Variants in GRM1 observed in about 807,000 individuals in gnomAD.
The protein encoded by GRM1 is metabotropic glutamate receptor 1.
In GRM1, 33 loss-of-function variants were observed where a neutral mutation model predicts 90.9. The observed-to-expected ratio is 0.36, with a 90% CI of 0.28 to 0.49. GRM1 has a LOEUF of 0.49. GRM1 is among the 20% of genes least tolerant of loss of function. The pLI is 0.99. For missense variants in GRM1, 1,190 were observed against 1,534.3 expected (o/e 0.78, Z 3.75); for synonymous variants, 700 against 613.2 (o/e 1.14, Z -2.09).
At chr6:146,316,211 GC>G (rs1055455874) in intron 3 of GRM1, among the ~76,000 whole-genome samples, 18 of 152,052 alleles carry the variant, frequency 1.2e-4, no homozygotes, top group Non-Finnish European at 2.5e-4. Context: ...TTGGCTCATG[GC>G]CCCCTTCCTT....
intron 3 of GRM1, among the ~76,000 whole-genome samples, chr6:146,329,743 T>C (rs930664697): frequency 6.6e-6 from 1 of 152,206 alleles, no homozygotes; most frequent in African/African-American, 2.4e-5. Flanking sequence ...GCTTCATAGC[T>C]TAGCCTAGCC....
At chr6:146,060,828 T>C (rs543295134) in intron 1 of GRM1, among the ~76,000 whole-genome samples, 1 of 152,320 alleles carries the variant, frequency 6.6e-6, no homozygotes, top group South Asian at 2.1e-4. Flanking sequence ...ATCACTGTGC[T>C]GCTTTCCACA....
chr6:146,076,961 G>A (rs1319409984), intron 1 of GRM1, among the ~76,000 whole-genome samples: 1 of 152,090 alleles, frequency 6.6e-6, no homozygotes, highest in African/African-American at 2.4e-5. Context: ...CCAGGTCCTG[G>A]CTTTTTATCC....
At chr6:146,249,300 G>A (rs561726258) in intron 2 of GRM1, among the ~76,000 whole-genome samples, 5 of 152,262 alleles carry the variant, frequency 3.3e-5, no homozygotes, top group East Asian at 3.9e-4. Flanking sequence ...CTTCACATCA[G>A]CCTCTCCCAT....
chr6:146,274,654 GAATATATATTAGTTATT>G (rs1166375078), intron 2 of GRM1, among the ~76,000 whole-genome samples: 1 of 152,154 alleles, frequency 6.6e-6, no homozygotes, highest in Non-Finnish European at 1.5e-5. Flanking sequence ...TCAGAATGTT[GAATATATATTAGTTATT>G]AATATTTATC....
intron 2 of GRM1, among the ~76,000 whole-genome samples, chr6:146,266,545 A>G (rs1220683090): frequency 6.6e-6 from 1 of 152,140 alleles, no homozygotes; most frequent in African/African-American, 2.4e-5. Flanking sequence ...CATTTAATTA[A>G]TCACCAGGTT....
chr6:146,281,488 G>A (rs971828917), intron 2 of GRM1, among the ~76,000 whole-genome samples: 2 of 152,136 alleles, frequency 1.3e-5, no homozygotes, highest in African/African-American at 4.8e-5. Flanking sequence ...ATTAAAAATG[G>A]CCTTTTGCTA....
chr6:146,352,509 G>C lies in GRM1; in HGVS notation c.1433+13G>C, dbSNP rs1785442722. On this transcript the variant is annotated intron_variant, in intron 4 of 7. Coordinates refer to ENST00000282753, the MANE Select transcript of GRM1 (RefSeq NM_001278064.2). Reference sequence around the variant, plus strand: ...ACGCTCCTGGAAGGTAATCTTTTCAGTAATCAATCTAAGTAACCTTGTGAG... The same window carrying C: ...ACGCTCCTGGAAGGTAATCTTTTCACTAATCAATCTAAGTAACCTTGTGAG... The C allele has an allele frequency of 6.2e-7, 1 of 1,613,000 alleles. No individual in the cohort carries two copies. Among genetic ancestry groups the C allele is most frequent in the East Asian group, 2.2e-5 (1 of 44,870 alleles).
intron 2 of GRM1, among the ~76,000 whole-genome samples, chr6:146,298,998 G>A (rs1451969689): frequency 1.3e-5 from 2 of 152,256 alleles, no homozygotes; most frequent in South Asian, 2.1e-4. Context: ...CATGGCAATG[G>A]GTAATGTTCA....
chr6:146,355,539 T>C (rs1785552034), intron 4 of GRM1, among the ~76,000 whole-genome samples: 1 of 152,182 alleles, frequency 6.6e-6, no homozygotes, highest in African/African-American at 2.4e-5. Flanking sequence ...GGGACAACTA[T>C]TTGTAGAAAT....
chr6:146,166,961 T>C (rs896379521), intron 2 of GRM1, among the ~76,000 whole-genome samples: 1 of 152,154 alleles, frequency 6.6e-6, no homozygotes, highest in African/African-American at 2.4e-5. Flanking sequence ...ATGTGTTTAT[T>C]TGATGGATTT....
chr6:146,043,782 G>GATAT (rs3064997), intron 1 of GRM1, among the ~76,000 whole-genome samples: 3,602 of 89,876 alleles, frequency 0.04, 146 homozygotes, highest in East Asian at 0.14. Flanking sequence ...AGAGTCAGGT[G>GATAT]ATATATATAT....
At chr6:146,146,658 C>T (rs1777119956) in intron 1 of GRM1, among the ~76,000 whole-genome samples, 1 of 152,120 alleles carries the variant, frequency 6.6e-6, no homozygotes, top group Non-Finnish European at 1.5e-5. Context: ...TTAAGAGGGA[C>T]TGCCCTCATG....
At chr6:146,312,791 A>C (rs362964) in intron 3 of GRM1, among the ~76,000 whole-genome samples, 1,737 of 152,348 alleles carry the variant, frequency 0.011, 73 homozygotes, top group East Asian at 0.079. Context: ...GACGAATTAC[A>C]ACAGCTGAAA....
intron 5 of GRM1, among the ~76,000 whole-genome samples, chr6:146,368,969 C>T (rs1341374880): frequency 6.6e-6 from 1 of 151,990 alleles, no homozygotes; most frequent in African/African-American, 2.4e-5. Flanking sequence ...GTGAATTCAT[C>T]TGATCCAGGA....
rs749931580 is a variant in GRM1 at position 146,159,615 on chromosome 6, T to C, written c.950+18T>C. The C allele has an allele frequency of 3.5e-6, 4 of 1,151,904 alleles. No homozygotes were observed. Among genetic ancestry groups the C allele is most frequent in the Non-Finnish European group, 4.8e-6 (4 of 841,246 alleles). The allele number at this position is 1,151,904 out of a possible 1,614,324, so 71.4% of individuals were successfully genotyped here. On this transcript the variant is annotated intron_variant, in intron 2 of 7. Coordinates refer to ENST00000282753, the MANE Select transcript of GRM1 (RefSeq NM_001278064.2). ...ATTGGAAGGTAAGTTTCTCTCTCTC[T>C]CTCTCTCTCTCTCTCTCTCTCTCTC...
chr6:146,110,480 T>C (rs112850222), intron 1 of GRM1, among the ~76,000 whole-genome samples: 8 of 152,212 alleles, frequency 5.3e-5, no homozygotes, highest in African/African-American at 1.7e-4. Context: ...CCTCCTTCTT[T>C]TGTACATTGC....
intron 1 of GRM1, among the ~76,000 whole-genome samples, chr6:146,055,096 C>CA (rs1474523338): frequency 6.6e-6 from 1 of 152,216 alleles, no homozygotes; most frequent in East Asian, 1.9e-4. Context: ...GCAATTAATA[C>CA]AGCACCTGGC....
Position 146,334,554 on chromosome 6 carries a change from C to T in GRM1, c.1187-17696C>T, listed in dbSNP as rs574937713. ...TATTTAGAAAATTGCCCCTGTGATC[C>T]TCATTCATATGTATGGTTCTCCATT... On this transcript the variant is annotated intron_variant, in intron 3 of 7. Coordinates refer to ENST00000282753, the MANE Select transcript of GRM1 (RefSeq NM_001278064.2). Among the ~76,000 whole-genome samples, 4 of 152,260 alleles carry T rather than the reference C, an allele frequency of 2.6e-5. No individual in the cohort carries two copies. The South Asian group carries it at 8.3e-4, about 32-fold the overall frequency.
Sources: allele counts gnomAD v4.1 joint callset (sites outside exome capture counted in the v4.1 genomes callset), GRCh38; gene constraint gnomAD v4.1.1; transcripts MANE v1.5; gene names NCBI Gene and HGNC (gene_info 2026-07-23, HGNC 2026-07-21).